Variants in MBOAT1 observed in about 807,000 individuals in gnomAD.
MBOAT1 encodes the protein membrane bound glycerophospholipid O-acyltransferase 1.
In MBOAT1, 67 loss-of-function variants were observed where a neutral mutation model predicts 64.4. The observed-to-expected ratio is 1.04, with a 90% CI of 0.85 to 1.27. The LOEUF is 1.27. Ranked by LOEUF, MBOAT1 falls within the 50% of genes most tolerant of loss-of-function variation. MBOAT1 has a pLI of 0.00. For missense variants in MBOAT1, 563 were observed against 604.6 expected (o/e 0.93, Z 0.72); for synonymous variants, 229 against 218.9 (o/e 1.05, Z -0.41).
chr6:20,138,714 G>A (rs1262734332), intron 4 of MBOAT1, among the ~76,000 whole-genome samples: 1 of 152,108 alleles, frequency 6.6e-6, no homozygotes, highest in Non-Finnish European at 1.5e-5. Flanking sequence ...ATCAGGGGAC[G>A]GTTGTTAATT....
intron 11 of MBOAT1, 32 bp from the exon 12 acceptor site, chr6:20,109,781 A>AG: frequency 1.9e-6 from 3 of 1,593,712 alleles, no homozygotes; most frequent in Non-Finnish European, 2.6e-6. Flanking sequence ...AGTAGTGAGG[A>AG]GGGGGTGAAA....
intron 4 of MBOAT1, among the ~76,000 whole-genome samples, chr6:20,141,552 T>G (rs564582117): frequency 6.6e-6 from 1 of 151,996 alleles, no homozygotes; most frequent in Admixed American, 6.6e-5. Context: ...GTTTTTAATT[T>G]TTAGTAGAGA....
At position 20,151,081 on chromosome 6, in the gene MBOAT1, A is replaced by G. The variant is rs1761478478; in HGVS notation, c.323+104T>C. 1.1e-5 allele frequency: 9 copies of G among 790,316 alleles called. No homozygotes were observed. In the East Asian group the frequency reaches 2.3e-4, roughly 20 times the overall value. 49.0% of individuals were successfully genotyped at this position (790,316 alleles called of 1,614,324 possible). ...TATTCTAGATAAACTAAGATATACC[A>G]CTTGTGGAAAATGGGTAAGGTCCAT... On this transcript the variant is annotated intron_variant, in intron 3 of 12. Transcript: ENST00000324607.
At chr6:20,107,194 G>A (rs1342189863) in intron 12 of MBOAT1, among the ~76,000 whole-genome samples, 3 of 152,048 alleles carry the variant, frequency 2.0e-5, no homozygotes, top group African/African-American at 4.8e-5. Flanking sequence ...TTCCTCATGC[G>A]ACAAACAGGG....
chr6:20,109,973 A>G (rs2876532), intron 11 of MBOAT1, among the ~76,000 whole-genome samples: 45,565 of 143,170 alleles, frequency 0.32, 7,112 homozygotes, highest in South Asian at 0.38. Context: ...GCAGTGGCGC[A>G]ATCTCAGCTC....
At chr6:20,111,858 ACATATATATACATATATATATG>A (rs1760169355) in intron 11 of MBOAT1, among the ~76,000 whole-genome samples, 1 of 129,124 alleles carries the variant, frequency 7.7e-6, no homozygotes, top group African/African-American at 3.4e-5. Flanking sequence ...ATATATATAT[ACATATATATACATATATATATG>A]TATATATATA....
chr6:20,205,709 C>G (rs767584527), intron 1 of MBOAT1, among the ~76,000 whole-genome samples: 1 of 152,118 alleles, frequency 6.6e-6, no homozygotes, highest in Non-Finnish European at 1.5e-5. Flanking sequence ...ACCTCACCAT[C>G]GTACCCCCAA....
chr6:20,101,142 C>A lies in MBOAT1; in HGVS notation c.*1144G>T, dbSNP rs905410267. On this transcript the variant is annotated 3_prime_UTR_variant, in exon 13 of 13. Transcript: ENST00000324607. ...TTCTTACCAAACTTCTATATAACTTCAAATTACTTTAAAAAAATTTCCTAA... is the reference window on the plus strand; with the variant it reads ...TTCTTACCAAACTTCTATATAACTTAAAATTACTTTAAAAAAATTTCCTAA... 6.6e-6 allele frequency among the ~76,000 whole-genome samples: 1 copy of A among 152,156 alleles called. No individual in the cohort carries two copies. The highest frequency in any genetic ancestry group is 1.5e-5 in the Non-Finnish European group (1 of 68,030).
chr6:20,171,305 G>C (rs556373493), intron 1 of MBOAT1, among the ~76,000 whole-genome samples: 2 of 151,570 alleles, frequency 1.3e-5, no homozygotes, highest in East Asian at 3.9e-4. Context: ...GGGAGGCCAA[G>C]GCAGAAGGAT....
intron 1 of MBOAT1, among the ~76,000 whole-genome samples, chr6:20,190,218 C>A (rs1762768043): frequency 6.6e-6 from 1 of 152,172 alleles, no homozygotes; most frequent in Non-Finnish European, 1.5e-5. Flanking sequence ...TGGTCTTGAT[C>A]TCCTGACCTC....
At chr6:20,146,276 T>C (rs1212547) in intron 3 of MBOAT1, among the ~76,000 whole-genome samples, 129,757 of 152,248 alleles carry the variant, frequency 0.85, 55,952 homozygotes, top group East Asian at 1. Flanking sequence ...GCCTAAGGAA[T>C]AGTAAAGTAG....
chr6:20,187,127 C>G (rs1016455819), intron 1 of MBOAT1, among the ~76,000 whole-genome samples: 1 of 152,212 alleles, frequency 6.6e-6, no homozygotes, highest in Non-Finnish European at 1.5e-5. Context: ...AATGTTTAAA[C>G]GCCGACCAAC....
At chr6:20,107,938 G>C (rs139416625) in intron 12 of MBOAT1, among the ~76,000 whole-genome samples, 169 of 152,312 alleles carry the variant, frequency 1.1e-3, no homozygotes, top group African/African-American at 3.8e-3. Context: ...TGTTAAAAAT[G>C]TAGAGGACAA....
At chr6:20,165,557 A>G (rs1010563798) in intron 1 of MBOAT1, among the ~76,000 whole-genome samples, 10 of 152,106 alleles carry the variant, frequency 6.6e-5, no homozygotes, top group African/African-American at 2.4e-4. Flanking sequence ...AGCCTTTCCA[A>G]TATGGTGAAA....
Position 20,161,150 on chromosome 6 carries a change from A to T in MBOAT1, c.100-8381T>A, listed in dbSNP as rs556089283. ...CTCCACCTCCTGTCAGATCAGCAGC[A>T]GCATTAGATTCTCATAGGAGTGCAA... On this transcript the variant is annotated intron_variant, in intron 1 of 12. Transcript: ENST00000324607. Among the ~76,000 whole-genome samples the T allele has an allele frequency of 2.0e-5, 3 of 152,062 alleles. No homozygotes were observed. In the South Asian group the frequency reaches 6.2e-4, roughly 32 times the overall value.
chr6:20,212,302 C>T lies in MBOAT1; in HGVS notation c.-68G>A. ...CACCCCCTGCTCGGCGTCCTCCCGC[C>T]CGGGTGCTCTTGGGTGGTTGCCCCG... On this transcript the variant is annotated 5_prime_UTR_variant, in exon 1 of 13. Transcript: ENST00000324607. The T allele has an allele frequency of 4.1e-6, 6 of 1,472,448 alleles. No homozygotes were observed. The highest frequency in any genetic ancestry group is 5.6e-6 in the Non-Finnish European group (6 of 1,078,654). 91.2% of individuals were successfully genotyped at this position (1,472,448 alleles called of 1,614,324 possible). A position where few individuals can be genotyped will look rare whatever the true frequency, so the allele number is the denominator to read the frequency against.
At chr6:20,110,875 C>T (rs1251036213) in intron 11 of MBOAT1, among the ~76,000 whole-genome samples, 1 of 152,152 alleles carries the variant, frequency 6.6e-6, no homozygotes, top group Non-Finnish European at 1.5e-5. Flanking sequence ...GATGTATATC[C>T]TTGTAAATAA....
intron 11 of MBOAT1, among the ~76,000 whole-genome samples, chr6:20,111,835 C>CATATATATACATATATATACATATATAT: frequency 3.5e-5 from 3 of 86,796 alleles, no homozygotes; most frequent in African/African-American, 1.2e-4. Flanking sequence ...CATATATATA[C>CATATATATACATATATATACATATATAT]ACATATATAT....
intron 11 of MBOAT1, 110 bp downstream of exon 11, chr6:20,112,766 C>T: frequency 8.4e-7 from 1 of 1,194,586 alleles, no homozygotes; most frequent in Non-Finnish European, 1.2e-6. Flanking sequence ...TTCAAAACAT[C>T]ACTCCCACCT....
Sources: gnomAD v4.1 joint callset for allele counts (sites outside exome capture counted in the v4.1 genomes callset) on GRCh38, gnomAD v4.1.1 for gene constraint, MANE v1.5 for transcripts, NCBI Gene and HGNC (gene_info 2026-07-23, HGNC 2026-07-21) for gene names.